Variants in MSH4 observed in about 807,000 individuals in gnomAD.
MSH4 encodes mutS protein homolog 4.
MSH4 carries 106 observed loss-of-function variants against 113.7 expected under a neutral mutation model. The ratio of observed to expected loss-of-function variants is 0.93; its 90% CI spans 0.80 to 1.10. The LOEUF is 1.10. Ranked by LOEUF, MSH4 falls within the 50% of genes least tolerant of loss-of-function variation. MSH4 has a pLI of 0.00. For synonymous variants in MSH4, 368 were observed against 380.2 expected (o/e 0.97, Z 0.37); for missense variants, 1,061 against 1,093.7 (o/e 0.97, Z 0.42).
chr1:75,820,110 ATTTAT>A (rs1321148170), intron 6 of MSH4, among the ~76,000 whole-genome samples: 1 of 152,152 alleles, frequency 6.6e-6, no homozygotes, highest in Non-Finnish European at 1.5e-5. Flanking sequence ...TATAGTAAAT[ATTTAT>A]TTTAACAATA....
intron 15 of MSH4, among the ~76,000 whole-genome samples, chr1:75,885,045 G>GTATATATATA (rs1286506735): frequency 3.7e-5 from 4 of 107,784 alleles, no homozygotes; most frequent in Non-Finnish European, 7.2e-5. Context: ...GTGTGTGTGT[G>GTATATATATA]TGTGTGTGTG....
rs113018030 is a variant in MSH4, at chr1:75,892,377, ACTCT to A, written c.2355+1568_2355+1571del. Among the ~76,000 whole-genome samples, 1,082 of 148,442 alleles carry A rather than the reference ACTCT, an allele frequency of 7.3e-3. 12 individuals are homozygous for A. Among genetic ancestry groups the A allele is most frequent in the African/African-American group, 0.025 (1,032 of 40,516 alleles). On this transcript the variant is annotated intron_variant, in intron 17 of 19. Transcript: ENST00000263187. ...TCTCTTCACACGCACACACATACAC[ACTCT>A]CTCTCTCTCTCTCTTTCTCTCTCTC...
intron 17 of MSH4, among the ~76,000 whole-genome samples, chr1:75,894,604 T>C (rs984999433): frequency 3.9e-5 from 6 of 152,254 alleles, no homozygotes; most frequent in African/African-American, 1.2e-4. Flanking sequence ...GCCTTCTGTA[T>C]GTGTAATGTT....
chr1:75,874,437 C>T (rs888392633), intron 9 of MSH4, among the ~76,000 whole-genome samples: 3 of 152,016 alleles, frequency 2.0e-5, no homozygotes, highest in African/African-American at 7.2e-5. Flanking sequence ...AGTAATCCTC[C>T]AACCTTTCCT....
intron 7 of MSH4, among the ~76,000 whole-genome samples, chr1:75,837,015 A>C (rs923517803): frequency 6.6e-6 from 1 of 152,136 alleles, no homozygotes; most frequent in Non-Finnish European, 1.5e-5. Context: ...TGTGATCTAC[A>C]TGTTGTGCTT....
chr1:75,881,183 C>T (rs552219245), intron 13 of MSH4, 63 bp from the exon 14 acceptor site: 101 of 1,280,646 alleles, frequency 7.9e-5, no homozygotes, highest in Middle Eastern at 2.2e-4. Context: ...TATTATTTTA[C>T]GATTACAATG....
Position 75,912,953 on chromosome 1 carries a change from A to C in MSH4, c.*66A>C. ...CTAGAATTTATTTTTCTCCTTAGAG[A>C]TAAGGAAAATAACATTTGCCAAATT... is the stretch of plus-strand genomic sequence containing the variant. On this transcript the variant is annotated 3_prime_UTR_variant, in exon 20 of 20. Transcript: ENST00000263187. The C allele has an allele frequency of 9.9e-7, 1 of 1,015,036 alleles. No homozygotes were observed. The highest frequency in any genetic ancestry group is 1.3e-6 in the Non-Finnish European group (1 of 750,650). The allele number at this position is 1,015,036 out of a possible 1,614,324, so 62.9% of individuals were successfully genotyped here.
chr1:75,883,046 C>A (rs903837493), intron 14 of MSH4, among the ~76,000 whole-genome samples: 3 of 151,684 alleles, frequency 2.0e-5, no homozygotes, highest in African/African-American at 7.3e-5. Flanking sequence ...ACTTTGTCAG[C>A]CAGGCTGGAG....
At chr1:75,857,897 A>G (rs1305952371) in intron 8 of MSH4, among the ~76,000 whole-genome samples, 1 of 152,116 alleles carries the variant, frequency 6.6e-6, no homozygotes, top group Non-Finnish European at 1.5e-5. Context: ...CTTATCCATG[A>G]GCATGGAATA....
At chr1:75,911,572 A>C (rs779826616) in intron 19 of MSH4, among the ~76,000 whole-genome samples, 1 of 151,974 alleles carries the variant, frequency 6.6e-6, no homozygotes, top group Non-Finnish European at 1.5e-5. Flanking sequence ...TGTTTTTTTA[A>C]CCATTAAGAC....
At chr1:75,847,215 T>C (rs1046672759) in intron 7 of MSH4, among the ~76,000 whole-genome samples, 8 of 152,334 alleles carry the variant, frequency 5.3e-5, no homozygotes, top group East Asian at 3.9e-4. Context: ...GACAGTTGCA[T>C]TGGGGATCAA....
chr1:75,854,582 G>A (rs375976025), intron 8 of MSH4, among the ~76,000 whole-genome samples: 6 of 151,820 alleles, frequency 4.0e-5, no homozygotes, highest in East Asian at 3.9e-4. Flanking sequence ...CCACCCGTCC[G>A]TCCTCTCCCT....
intron 8 of MSH4, among the ~76,000 whole-genome samples, chr1:75,864,116 C>T (rs1483060339): frequency 6.6e-6 from 1 of 152,104 alleles, no homozygotes; most frequent in African/African-American, 2.4e-5. Context: ...AGGGATTATT[C>T]AATGCATATT....
chr1:75,855,703 A>G (rs899946216), intron 8 of MSH4, among the ~76,000 whole-genome samples: 8 of 152,144 alleles, frequency 5.3e-5, no homozygotes, highest in Non-Finnish European at 8.8e-5. Context: ...CATCAATATT[A>G]TTGGACTAGG....
chr1:75,840,691 T>C, intron 7 of MSH4, among the ~76,000 whole-genome samples: 1 of 148,254 alleles, frequency 6.7e-6, no homozygotes, highest in Non-Finnish European at 1.5e-5. Context: ...AAAAATAAAA[T>C]AAAATAAAAT....
intron 9 of MSH4, 63 bp downstream of exon 9, chr1:75,867,651 A>G (rs1347936816): frequency 9.0e-7 from 1 of 1,115,822 alleles, no homozygotes; most frequent in East Asian, 2.5e-5. Context: ...TTTTGTTGGA[A>G]AAAAATTTCA....
At chr1:75,889,558 A>C (rs1652204602) in intron 16 of MSH4, among the ~76,000 whole-genome samples, 189 bp downstream of exon 16, 1 of 152,186 alleles carries the variant, frequency 6.6e-6, no homozygotes, top group African/African-American at 2.4e-5. Context: ...TGTTTAAGTG[A>C]AAATATAATT....
intron 7 of MSH4, among the ~76,000 whole-genome samples, chr1:75,842,675 G>A (rs900247418): frequency 3.9e-5 from 6 of 152,302 alleles, no homozygotes; most frequent in South Asian, 2.1e-4. Flanking sequence ...TGTTATGCCC[G>A]GACAGGGCCA....
chr1:75,894,220 G>A (rs1042552413), intron 17 of MSH4, among the ~76,000 whole-genome samples: 3 of 152,126 alleles, frequency 2.0e-5, no homozygotes, highest in South Asian at 2.1e-4. Flanking sequence ...GGGTGGTAGG[G>A]GCCAAGTTGT....
Sources: allele counts gnomAD v4.1 joint callset (sites outside exome capture counted in the v4.1 genomes callset), GRCh38; gene constraint gnomAD v4.1.1; transcripts MANE v1.5; gene names NCBI Gene and HGNC (gene_info 2026-07-23, HGNC 2026-07-21).